The following DLG2 variants were observed in gnomAD, a reference collection of about 807,000 sequenced individuals.
The protein encoded by DLG2 is disks large homolog 2.
DLG2 carries 45 observed loss-of-function variants against 132.5 expected under a neutral mutation model. That is an observed-to-expected ratio of 0.34 (90% CI 0.27 to 0.44). The LOEUF (loss-of-function observed/expected upper bound fraction) is 0.44, where lower values mean the gene tolerates loss of function less well. Among genes scored for constraint, DLG2 ranks in the 20% least tolerant of loss-of-function variants. DLG2 has a pLI of 1.00. For synonymous variants in DLG2, 424 were observed against 419.6 expected (o/e 1.01, Z -0.13); for missense variants, 1,045 against 1,196.9 (o/e 0.87, Z 1.87).
At chr11:85,043,128 T>C (rs1371406686) in intron 6 of DLG2, among the ~76,000 whole-genome samples, 1 of 151,912 alleles carries the variant, frequency 6.6e-6, no homozygotes, top group Non-Finnish European at 1.5e-5. Flanking sequence ...GTTCATGTAA[T>C]AATTCCTGTC....
chr11:85,320,069 A>G (rs1345890286), intron 3 of DLG2, among the ~76,000 whole-genome samples: 1 of 151,842 alleles, frequency 6.6e-6, no homozygotes, highest in Non-Finnish European at 1.5e-5. Flanking sequence ...TATTTTCTAG[A>G]TGCCTGAACT....
intron 7 of DLG2, among the ~76,000 whole-genome samples, chr11:84,504,861 T>G (rs559306228): frequency 1.3e-4 from 20 of 152,292 alleles, no homozygotes; most frequent in Admixed American, 4.6e-4. Context: ...GCTCTTTGAC[T>G]GAATCATCTA....
chr11:85,200,928 C>T (rs1280731736), intron 4 of DLG2, among the ~76,000 whole-genome samples: 1 of 152,154 alleles, frequency 6.6e-6, no homozygotes, highest in Non-Finnish European at 1.5e-5. Flanking sequence ...TCACAAGGGG[C>T]CCCATCAGCT....
At chr11:85,015,104 A>C (rs2059458969) in intron 6 of DLG2, among the ~76,000 whole-genome samples, 1 of 152,180 alleles carries the variant, frequency 6.6e-6, no homozygotes, top group Non-Finnish European at 1.5e-5. Context: ...AGAGCACTGA[A>C]ATGAATGCTT....
chr11:84,156,366 G>A (rs1483898177), intron 9 of DLG2, among the ~76,000 whole-genome samples: 1 of 152,174 alleles, frequency 6.6e-6, no homozygotes, highest in African/African-American at 2.4e-5. Context: ...TGTATCAAGA[G>A]TAGTTAGTTG....
chr11:84,793,034 G>C (rs574846950), intron 6 of DLG2, among the ~76,000 whole-genome samples: 1 of 151,706 alleles, frequency 6.6e-6, no homozygotes, highest in Non-Finnish European at 1.5e-5. Context: ...CTCTTTTTTT[G>C]AGGTAGGCAC....
intron 19 of DLG2, among the ~76,000 whole-genome samples, chr11:83,609,655 C>G (rs1049814070): frequency 6.6e-6 from 1 of 152,290 alleles, no homozygotes; most frequent in African/African-American, 2.4e-5. Flanking sequence ...CTTCTCCCCA[C>G]TCTCATCCTT....
chr11:83,623,140 G>A (rs2061899277), intron 19 of DLG2, among the ~76,000 whole-genome samples: 1 of 152,108 alleles, frequency 6.6e-6, no homozygotes, highest in Admixed American at 6.5e-5. Flanking sequence ...TCTTCTTGTT[G>A]AATTGAACTC....
At chr11:84,865,922 T>C (rs2084483480) in intron 6 of DLG2, among the ~76,000 whole-genome samples, 1 of 152,212 alleles carries the variant, frequency 6.6e-6, no homozygotes, top group Non-Finnish European at 1.5e-5. Flanking sequence ...AGGTATCCTT[T>C]GCCAACCCCC....
intron 3 of DLG2, among the ~76,000 whole-genome samples, chr11:85,562,824 A>C (rs57245119): frequency 0.23 from 35,553 of 151,638 alleles, 5,308 homozygotes; most frequent in East Asian, 0.4. Flanking sequence ...TCCTTTAGAA[A>C]ATGGCAGTCT....
At chr11:84,417,526 A>G (rs188526305) in intron 7 of DLG2, among the ~76,000 whole-genome samples, 1 of 152,110 alleles carries the variant, frequency 6.6e-6, no homozygotes, top group East Asian at 1.9e-4. Flanking sequence ...ACAATCATCT[A>G]TTTGCCTTCC....
At chr11:83,602,354 C>T (rs1428398648) in intron 19 of DLG2, among the ~76,000 whole-genome samples, 1 of 152,186 alleles carries the variant, frequency 6.6e-6, no homozygotes, top group Non-Finnish European at 1.5e-5. Flanking sequence ...CATTATTTTC[C>T]AGCAAATTAC....
intron 6 of DLG2, among the ~76,000 whole-genome samples, chr11:84,645,275 C>A (rs756991159): frequency 6.6e-6 from 1 of 151,980 alleles, no homozygotes; most frequent in Non-Finnish European, 1.5e-5. Context: ...ATAATAGGTA[C>A]CTTTTCTAAG....
chr11:85,162,262 C>T (rs1401210705), intron 4 of DLG2, among the ~76,000 whole-genome samples: 5 of 152,156 alleles, frequency 3.3e-5, no homozygotes, highest in Admixed American at 3.3e-4. Context: ...TTAGTATTAC[C>T]ATGCCCTGTG....
chr11:85,477,378 A>C (rs751984912), intron 3 of DLG2, among the ~76,000 whole-genome samples: 1 of 152,212 alleles, frequency 6.6e-6, no homozygotes, highest in Non-Finnish European at 1.5e-5. Context: ...TGTGACTTGA[A>C]GGTAGAGAAG....
At chr11:85,592,178 G>A (rs1476766245) in intron 3 of DLG2, among the ~76,000 whole-genome samples, 7 of 152,096 alleles carry the variant, frequency 4.6e-5, no homozygotes, top group Non-Finnish European at 1.0e-4. Context: ...TTAAGTGTAG[G>A]CATTTGGTCT....
At chr11:84,397,751 C>A (rs2098815862) in intron 7 of DLG2, among the ~76,000 whole-genome samples, 1 of 152,210 alleles carries the variant, frequency 6.6e-6, no homozygotes, top group South Asian at 2.1e-4. Context: ...ACCTCACATA[C>A]TGCTTTTTAA....
At chr11:85,482,167 C>T (rs924395131) in intron 3 of DLG2, among the ~76,000 whole-genome samples, 3 of 152,068 alleles carry the variant, frequency 2.0e-5, no homozygotes, top group African/African-American at 7.2e-5. Context: ...CCCACTTGAC[C>T]ATCAGGCCAA....
intron 3 of DLG2, among the ~76,000 whole-genome samples, chr11:85,477,903 C>T (rs2093188897): frequency 1.3e-5 from 2 of 152,162 alleles, no homozygotes; most frequent in Non-Finnish European, 2.9e-5. Flanking sequence ...TATTCATTTG[C>T]TGTCCACAAG....
Sources: gnomAD v4.1 joint callset for allele counts (sites outside exome capture counted in the v4.1 genomes callset) on GRCh38, gnomAD v4.1.1 for gene constraint, MANE v1.5 for transcripts, NCBI Gene and HGNC (gene_info 2026-07-23, HGNC 2026-07-21) for gene names.